ATP6V0A1: variants seen among roughly 807,000 people sequenced by gnomAD.
The protein encoded by ATP6V0A1 is V-type proton ATPase 116 kDa subunit a 1.
A neutral mutation model predicts 105.4 loss-of-function variants in ATP6V0A1; 43 were observed. The ratio of observed to expected loss-of-function variants is 0.41; its 90% CI spans 0.32 to 0.53. The LOEUF is 0.53. ATP6V0A1 is among the 20% of genes least tolerant of loss of function. ATP6V0A1 has a pLI of 0.30. For synonymous variants in ATP6V0A1, 362 were observed against 372.8 expected, an observed-to-expected ratio of 0.97 and a Z score of 0.33; for missense variants, 676 against 1,051.1, an observed-to-expected ratio of 0.64 and a Z score of 4.93.
intron 1 of ATP6V0A1, 29 bp downstream of exon 1, chr17:42,458,992 C>T (rs919665686): frequency 3.9e-5 from 6 of 152,598 alleles, no homozygotes; most frequent in Admixed American, 3.9e-4. Flanking sequence ...TTTAGCGCAA[C>T]AGGGAGCGGC....
chr17:42,461,784 A>G (rs868228327), intron 2 of ATP6V0A1, among the ~76,000 whole-genome samples: 49 of 152,112 alleles, frequency 3.2e-4, no homozygotes, highest in Non-Finnish European at 5.7e-4. Flanking sequence ...AACAACAACA[A>G]CAACAAAAAA....
chr17:42,460,898 G>T lies in ATP6V0A1; in HGVS notation c.4G>T (p.Gly2Trp), dbSNP rs1314299746. 6.2e-7 allele frequency: 1 copy of T among 1,613,352 alleles called. No individual in the cohort carries two copies. The change falls in exon 2 of 22, where the codon GGG (glycine) becomes TGG (tryptophan). Residue 2 changes from glycine (G) to tryptophan (W), a missense_variant. By Grantham distance (184) the Gly-to-Trp change is radical. Around this residue, in one of 3 missense-constraint regions of ATP6V0A1, gnomAD observed 239 missense variants for 388.4 expected, o/e 0.62. Transcript: ENST00000343619. ...TAGACTGGTACCTTCTGCCACCATG[G>T]GGGAGCTTTTCCGGAGTGAAGAAAT... Reference protein sequence around the residue: MGELFRSEEMTL... With the variant: MWELFRSEEMTL...
chr17:42,499,106 A>C (rs1245271858), intron 15 of ATP6V0A1, 64 bp downstream of exon 15: 1 of 1,176,768 alleles, frequency 8.5e-7, no homozygotes, highest in African/African-American at 1.5e-5. Context: ...GTGTAAAGAA[A>C]TCATGACATC....
At chr17:42,520,704 A>G in intron 21 of ATP6V0A1, 3 of 423,114 alleles carry the variant, frequency 7.1e-6, no homozygotes, top group South Asian at 3.5e-5. Context: ...GATGGGGGCC[A>G]CTTGTTCATT....
chr17:42,480,934 G>T (rs1271579971), intron 8 of ATP6V0A1, 185 bp downstream of exon 8: 3 of 493,224 alleles, frequency 6.1e-6, no homozygotes, highest in South Asian at 5.2e-5. Flanking sequence ...TATTTTTGTT[G>T]TTCAGATGGG....
intron 6 of ATP6V0A1, 93 bp from the exon 7 acceptor site, chr17:42,478,368 GAT>G: frequency 7.0e-6 from 6 of 856,770 alleles, no homozygotes; most frequent in South Asian, 4.8e-5. Context: ...AATAAAAAAA[GAT>G]ATATATATAA....
chr17:42,478,938 C>G (rs1027580684), intron 7 of ATP6V0A1: 1 of 152,928 alleles, frequency 6.5e-6, no homozygotes, highest in African/African-American at 2.4e-5. Flanking sequence ...TGGAGTCTCA[C>G]TCTGTTGTCC....
At chr17:42,502,230 C>CTA in intron 17 of ATP6V0A1, among the ~76,000 whole-genome samples, 1 of 152,164 alleles carries the variant, frequency 6.6e-6, no homozygotes, top group Middle Eastern at 3.2e-3. Flanking sequence ...AAATGTAGGC[C>CTA]TATGCCTGTC....
intron 10 of ATP6V0A1, among the ~76,000 whole-genome samples, chr17:42,489,240 C>G (rs889222746): frequency 6.6e-6 from 1 of 151,668 alleles, no homozygotes; most frequent in Non-Finnish European, 1.5e-5. Flanking sequence ...CCACCACACC[C>G]AGCTAATTTT....
At chr17:42,504,495 C>T (rs2091893061) in intron 17 of ATP6V0A1, among the ~76,000 whole-genome samples, 1 of 152,028 alleles carries the variant, frequency 6.6e-6, no homozygotes, top group South Asian at 2.1e-4. Flanking sequence ...TATAACCCAG[C>T]CGAGGTTATG....
chr17:42,495,475 T>C, intron 13 of ATP6V0A1, 151 bp from the exon 14 acceptor site: 1 of 674,192 alleles, frequency 1.5e-6, no homozygotes, highest in Non-Finnish European at 2.5e-6. Context: ...TCCCTCAGTC[T>C]CAGCTGCTAG....
chr17:42,484,230 G>C (rs1286578146), intron 9 of ATP6V0A1, among the ~76,000 whole-genome samples: 1 of 151,304 alleles, frequency 6.6e-6, no homozygotes, highest in Non-Finnish European at 1.5e-5. Flanking sequence ...CTAATTTTTT[G>C]TATTTTTTAG....
chr17:42,494,596 G>A, intron 12 of ATP6V0A1, 123 bp downstream of exon 12: 3 of 1,255,002 alleles, frequency 2.4e-6, no homozygotes, highest in Admixed American at 5.4e-5. Flanking sequence ...GAGAAGTTAT[G>A]TTCATTTTAA....
At position 42,491,779 on chromosome 17, in the gene ATP6V0A1, G is replaced by A. The variant is rs146192000; in HGVS notation, c.1174+1142G>A. ...ATTACAGACGTGAGCCACTGCGCCCGGCCATTTTTTTGTATTTTTAGTAGA... is the reference window on the plus strand; with the variant it reads ...ATTACAGACGTGAGCCACTGCGCCCAGCCATTTTTTTGTATTTTTAGTAGA... On this transcript the variant is annotated intron_variant, in intron 11 of 21. Transcript: ENST00000343619. Among the ~76,000 whole-genome samples the A allele has an allele frequency of 4.6e-3, 697 of 151,478 alleles. 3 individuals carry two copies. The highest frequency in any genetic ancestry group is 7.0e-3 in the Non-Finnish European group (472 of 67,836).
intron 21 of ATP6V0A1, 29 bp downstream of exon 21, chr17:42,514,489 G>A (rs1201331156): frequency 1.9e-6 from 3 of 1,553,712 alleles, no homozygotes; most frequent in African/African-American, 1.4e-5. Flanking sequence ...GGGCGGGCAT[G>A]GGGGTGGATG....
intron 11 of ATP6V0A1, 36 bp downstream of exon 11, chr17:42,490,673 T>G: frequency 6.4e-7 from 1 of 1,561,554 alleles, no homozygotes. Flanking sequence ...CCTCTAGAGT[T>G]TTTTTTGTTT....
intron 5 of ATP6V0A1, among the ~76,000 whole-genome samples, chr17:42,476,465 G>T (rs1174428229): frequency 1.3e-5 from 2 of 152,094 alleles, no homozygotes; most frequent in Non-Finnish European, 2.9e-5. Context: ...CTGATTTTTT[G>T]TCTTATTGTG....
At chr17:42,481,750 C>T (rs1388861712) in intron 8 of ATP6V0A1, among the ~76,000 whole-genome samples, 1 of 152,210 alleles carries the variant, frequency 6.6e-6, no homozygotes, top group African/African-American at 2.4e-5. Context: ...CTTAAGGACT[C>T]ATGGTTTATA....
rs2091468763 is a variant in ATP6V0A1, at chr17:42,499,338, G to A, written c.1679+296G>A. Among the ~76,000 whole-genome samples the A allele has an allele frequency of 2.6e-5, 4 of 152,068 alleles. 1 individual carries two copies. In the South Asian group the frequency reaches 8.3e-4, roughly 32 times the overall value. On this transcript the variant is annotated intron_variant, in intron 15 of 21. Coordinates refer to ENST00000343619, the MANE Select transcript of ATP6V0A1 (RefSeq NM_001130021.3). ...ATACAAAAATCAGCCAGGTGTAGTGGCACGCGCCTATATTCCCAGCTATTC... is the reference window on the plus strand; with the variant it reads ...ATACAAAAATCAGCCAGGTGTAGTGACACGCGCCTATATTCCCAGCTATTC...
Sources: allele counts gnomAD v4.1 joint callset (sites outside exome capture counted in the v4.1 genomes callset), GRCh38; gene constraint gnomAD v4.1.1; regional missense constraint gnomAD v4.1.1; transcripts MANE v1.5; gene names NCBI Gene and HGNC (gene_info 2026-07-23, HGNC 2026-07-21).